PALLD: variants seen among roughly 807,000 people sequenced by gnomAD.
The protein encoded by PALLD is palladin, cytoskeletal associated protein, also known as palladin.
PALLD carries 61 observed loss-of-function variants against 123.5 expected under a neutral mutation model. That is an observed-to-expected ratio of 0.49 (90% CI 0.40 to 0.61). The LOEUF (loss-of-function observed/expected upper bound fraction) is 0.61, where lower values mean the gene tolerates loss of function less well. Among genes scored for constraint, PALLD ranks in the 20% least tolerant of loss-of-function variants. The pLI is 0.00. For missense variants in PALLD, 1,273 were observed against 1,377.0 expected (o/e 0.92, Z 1.20); for synonymous variants, 465 against 496.4 (o/e 0.94, Z 0.84).
At chr4:168,585,531 T>A (rs1294859013) in intron 2 of PALLD, among the ~76,000 whole-genome samples, 1 of 152,144 alleles carries the variant, frequency 6.6e-6, no homozygotes. Context: ...CCACAGCTCA[T>A]CAATGCTGTC....
intron 10 of PALLD, among the ~76,000 whole-genome samples, chr4:168,782,459 A>G (rs541431390): frequency 6.6e-6 from 1 of 152,372 alleles, no homozygotes; most frequent in South Asian, 2.1e-4. Flanking sequence ...TGTCTAAACC[A>G]GAGATGAGCA....
chr4:168,618,311 C>A (rs1774424112), intron 2 of PALLD, among the ~76,000 whole-genome samples: 1 of 152,180 alleles, frequency 6.6e-6, no homozygotes, highest in African/African-American at 2.4e-5. Context: ...CTATAACTTT[C>A]TATGGTTTTA....
intron 15 of PALLD, among the ~76,000 whole-genome samples, chr4:168,906,032 G>C (rs1040046868): frequency 2.6e-5 from 4 of 151,860 alleles, no homozygotes; most frequent in Non-Finnish European, 4.4e-5. Flanking sequence ...GCATTTCCTT[G>C]ACATTAACAA....
intron 10 of PALLD, among the ~76,000 whole-genome samples, chr4:168,812,555 G>A (rs555591826): frequency 2.0e-5 from 3 of 152,304 alleles, no homozygotes; most frequent in East Asian, 1.9e-4. Context: ...GATGTCAGGC[G>A]AGAATGCGTT....
At chr4:168,832,538 G>T (rs964081607) in intron 10 of PALLD, among the ~76,000 whole-genome samples, 5 of 152,136 alleles carry the variant, frequency 3.3e-5, no homozygotes, top group African/African-American at 1.2e-4. Context: ...TCTTGGCCAC[G>T]CTCCCTGAGG....
chr4:168,614,084 G>A (rs914388772), intron 2 of PALLD, among the ~76,000 whole-genome samples: 7 of 152,146 alleles, frequency 4.6e-5, no homozygotes, highest in Non-Finnish European at 7.3e-5. Context: ...TGTGGATGGC[G>A]CCTTCACTTT....
intron 2 of PALLD, chr4:168,598,648 G>A (rs1047154166): frequency 1.9e-5 from 6 of 322,488 alleles, no homozygotes; most frequent in South Asian, 1.4e-4. Context: ...GTTTAGTTAC[G>A]GAACTCTGAA....
At chr4:168,811,719 G>C (rs970380314) in intron 10 of PALLD, among the ~76,000 whole-genome samples, 1 of 151,926 alleles carries the variant, frequency 6.6e-6, no homozygotes, top group Non-Finnish European at 1.5e-5. Flanking sequence ...AACAGCCTGA[G>C]TGACAGAGCA....
At chr4:168,885,835 C>T (rs1443428448) in intron 10 of PALLD, among the ~76,000 whole-genome samples, 1 of 152,204 alleles carries the variant, frequency 6.6e-6, no homozygotes, top group African/African-American at 2.4e-5. Flanking sequence ...GGGAGGCAAG[C>T]ATTTGTACCT....
intron 2 of PALLD, among the ~76,000 whole-genome samples, chr4:168,553,163 G>A (rs989066973): frequency 1.3e-5 from 2 of 152,076 alleles, no homozygotes; most frequent in Admixed American, 6.6e-5. Context: ...GCCAGTAAGT[G>A]AGGAGTTTGG....
At chr4:168,841,879 A>G (rs542730937) in intron 10 of PALLD, among the ~76,000 whole-genome samples, 3 of 152,364 alleles carry the variant, frequency 2.0e-5, no homozygotes, top group African/African-American at 7.2e-5. Context: ...TATATTTCAG[A>G]ATTACTCTGA....
chr4:168,661,772 A>C (rs1051943271), intron 2 of PALLD, among the ~76,000 whole-genome samples: 7 of 152,234 alleles, frequency 4.6e-5, no homozygotes, highest in Non-Finnish European at 1.0e-4. Flanking sequence ...ATGAAAGCCA[A>C]AAGCATTAAG....
chr4:168,593,325 T>C (rs1771630338), intron 2 of PALLD, among the ~76,000 whole-genome samples: 1 of 151,916 alleles, frequency 6.6e-6, no homozygotes, highest in Non-Finnish European at 1.5e-5. Flanking sequence ...CTGGATCTGT[T>C]CTGATTAAGG....
chr4:168,800,322 G>T (rs866979686), intron 10 of PALLD, among the ~76,000 whole-genome samples: 3 of 152,084 alleles, frequency 2.0e-5, no homozygotes, highest in South Asian at 2.1e-4. Flanking sequence ...CAAGTCATAG[G>T]GTGGAAAGTA....
chr4:168,694,735 G>T (rs114116850), intron 8 of PALLD, among the ~76,000 whole-genome samples: 3 of 152,194 alleles, frequency 2.0e-5, no homozygotes, highest in Non-Finnish European at 1.5e-5. Context: ...TCACTGCTGC[G>T]TCGTATCTGT....
At chr4:168,698,043 A>C (rs572020716) in intron 8 of PALLD, among the ~76,000 whole-genome samples, 118 of 152,368 alleles carry the variant, frequency 7.7e-4, no homozygotes, top group African/African-American at 2.8e-3. Context: ...AGCCATAAGA[A>C]GGAATGAGAT....
chr4:168,641,873 A>G (rs1776983868), intron 2 of PALLD, among the ~76,000 whole-genome samples: 1 of 152,212 alleles, frequency 6.6e-6, no homozygotes, highest in African/African-American at 2.4e-5. Context: ...TTACAGTCCT[A>G]CTAAACTAAG....
At chr4:168,782,520 A>G (rs1561517728) in intron 10 of PALLD, among the ~76,000 whole-genome samples, 1 of 152,244 alleles carries the variant, frequency 6.6e-6, no homozygotes, top group Non-Finnish European at 1.5e-5. Context: ...TTAGAAGGCC[A>G]TATGGACTCT....
intron 10 of PALLD, among the ~76,000 whole-genome samples, chr4:168,816,817 CGTGTGT>C (rs61010592): frequency 0.1 from 11,372 of 110,636 alleles, 650 homozygotes; most frequent in South Asian, 0.14. Context: ...GAGCTAGCCC[CGTGTGT>C]GTGTGTGTGT....
Sources: allele counts gnomAD v4.1 joint callset (sites outside exome capture counted in the v4.1 genomes callset), GRCh38; gene constraint gnomAD v4.1.1; transcripts MANE v1.5; gene names NCBI Gene and HGNC (gene_info 2026-07-23, HGNC 2026-07-21).